Variants in LRMDA observed in about 807,000 individuals in gnomAD.
LRMDA encodes the protein leucine-rich melanocyte differentiation-associated protein.
LRMDA carries 18 observed loss-of-function variants against 29.8 expected under a neutral mutation model. The observed-to-expected ratio is 0.60, with a 90% CI of 0.42 to 0.90. The LOEUF (loss-of-function observed/expected upper bound fraction) is 0.90, where lower values mean the gene tolerates loss of function less well. LRMDA is among the 40% of genes least tolerant of loss of function. The probability of loss-of-function intolerance (pLI) is 0.00; values close to 1 mark genes in which losing one functional copy is unlikely to be tolerated. For missense variants in LRMDA, 273 were observed against 273.9 expected (o/e 1.00, Z 0.02); for synonymous variants, 125 against 109.4 (o/e 1.14, Z -0.89).
intron 5 of LRMDA, among the ~76,000 whole-genome samples, chr10:76,147,932 G>A (rs962656019): frequency 2.6e-5 from 4 of 152,192 alleles, no homozygotes; most frequent in African/African-American, 4.8e-5. Context: ...AGGTCTGTTG[G>A]AGTTTGCTAG....
intron 5 of LRMDA, among the ~76,000 whole-genome samples, chr10:76,107,544 C>G (rs1328098894): frequency 6.6e-6 from 1 of 152,122 alleles, no homozygotes; most frequent in African/African-American, 2.4e-5. Flanking sequence ...TCTGTGCAGC[C>G]CATCTGTGCT....
intron 5 of LRMDA, among the ~76,000 whole-genome samples, chr10:76,157,698 T>C (rs1042950214): frequency 6.6e-6 from 1 of 152,038 alleles, no homozygotes; most frequent in Non-Finnish European, 1.5e-5. Flanking sequence ...ACTCATTTTT[T>C]AGCATTAGTG....
intron 2 of LRMDA, among the ~76,000 whole-genome samples, chr10:75,589,837 GTTTAAT>G (rs1840701046): frequency 6.6e-6 from 1 of 151,788 alleles, no homozygotes; most frequent in African/African-American, 2.4e-5. Flanking sequence ...TTTGGTGTGT[GTTTAAT>G]TTTGTTTGTG....
chr10:75,639,141 ATTT>A (rs754730724), intron 2 of LRMDA, among the ~76,000 whole-genome samples: 1 of 152,222 alleles, frequency 6.6e-6, no homozygotes, highest in African/African-American at 2.4e-5. Context: ...TGAGAGTACC[ATTT>A]TGCGTTCCCC....
At chr10:76,108,214 T>C (rs1235202295) in intron 5 of LRMDA, among the ~76,000 whole-genome samples, 1 of 152,158 alleles carries the variant, frequency 6.6e-6, no homozygotes, top group Admixed American at 6.5e-5. Flanking sequence ...TCTTTGGTAA[T>C]TGGGTCTCTG....
At chr10:76,141,541 C>T (rs961880936) in intron 5 of LRMDA, among the ~76,000 whole-genome samples, 2 of 152,074 alleles carry the variant, frequency 1.3e-5, no homozygotes, top group Non-Finnish European at 2.9e-5. Context: ...GTTAAGTACT[C>T]CCACCTGATG....
chr10:75,854,909 A>G lies in LRMDA; in HGVS notation c.132-181099A>G, dbSNP rs1844797763. ...AAAGGACATGAACTCATCATTTTTT[A>G]TGGCTGCATAGTATTCCATGGAGTA... On this transcript the variant is annotated intron_variant, in intron 2 of 6. Coordinates refer to ENST00000611255, the MANE Select transcript of LRMDA (RefSeq NM_001305581.2). Among the ~76,000 whole-genome samples, 4 of 152,272 alleles carry G rather than the reference A, an allele frequency of 2.6e-5. No homozygotes were observed. In the South Asian group the frequency reaches 8.3e-4, roughly 32 times the overall value.
At chr10:76,012,757 C>CACT (rs1187353226) in intron 2 of LRMDA, among the ~76,000 whole-genome samples, 2 of 152,164 alleles carry the variant, frequency 1.3e-5, no homozygotes, top group Non-Finnish European at 2.9e-5. Flanking sequence ...CACCAGAAGA[C>CACT]ACTACACAGT....
At chr10:75,931,742 T>C (rs1422210270) in intron 2 of LRMDA, among the ~76,000 whole-genome samples, 2 of 152,228 alleles carry the variant, frequency 1.3e-5, no homozygotes, top group Non-Finnish European at 2.9e-5. Flanking sequence ...ACAGCCACTC[T>C]CATCAGCAAT....
intron 5 of LRMDA, among the ~76,000 whole-genome samples, chr10:76,179,521 G>A (rs527242648): frequency 6.6e-6 from 1 of 152,300 alleles, no homozygotes; most frequent in South Asian, 2.1e-4. Context: ...AGGATCGGGA[G>A]CTTATGACGA....
intron 6 of LRMDA, among the ~76,000 whole-genome samples, chr10:76,459,401 G>A (rs767215835): frequency 1.3e-5 from 2 of 152,110 alleles, no homozygotes; most frequent in Non-Finnish European, 2.9e-5. Context: ...CTGAAAATGG[G>A]GGTGGAGTTC....
At chr10:75,584,322 C>G (rs547666314) in intron 2 of LRMDA, among the ~76,000 whole-genome samples, 2 of 152,276 alleles carry the variant, frequency 1.3e-5, no homozygotes, top group South Asian at 2.1e-4. Flanking sequence ...TACCTCCCCC[C>G]TAGAAAAAAC....
intron 2 of LRMDA, among the ~76,000 whole-genome samples, chr10:75,750,216 G>A (rs1409031262): frequency 2.0e-5 from 3 of 151,378 alleles, no homozygotes; most frequent in African/African-American, 7.3e-5. Context: ...GGGCAGAGGC[G>A]CCCCCCACCT....
chr10:75,490,417 T>G (rs1451662365), intron 2 of LRMDA, among the ~76,000 whole-genome samples: 1 of 152,038 alleles, frequency 6.6e-6, no homozygotes, highest in Non-Finnish European at 1.5e-5. Flanking sequence ...AACCCTCTAA[T>G]TGTGAATTCT....
At chr10:76,092,101 G>A (rs1046454673) in intron 5 of LRMDA, among the ~76,000 whole-genome samples, 1 of 152,170 alleles carries the variant, frequency 6.6e-6, no homozygotes, top group Non-Finnish European at 1.5e-5. Flanking sequence ...CAATTTGGCT[G>A]TATGCAAATG....
intron 5 of LRMDA, among the ~76,000 whole-genome samples, chr10:76,282,447 C>T (rs1323255662): frequency 6.6e-6 from 1 of 152,190 alleles, no homozygotes; most frequent in East Asian, 1.9e-4. Context: ...AGTGTTTGTG[C>T]AGTCAAGATT....
intron 6 of LRMDA, among the ~76,000 whole-genome samples, chr10:76,328,781 A>T (rs1840868488): frequency 6.6e-6 from 1 of 152,210 alleles, no homozygotes; most frequent in East Asian, 1.9e-4. Flanking sequence ...TAAATTACAG[A>T]ACAATAAAAT....
At chr10:76,396,169 C>T (rs575014776) in intron 6 of LRMDA, among the ~76,000 whole-genome samples, 13 of 152,288 alleles carry the variant, frequency 8.5e-5, no homozygotes, top group Admixed American at 3.3e-4. Context: ...CCTGGGTTTC[C>T]TGTGTCAGAT....
intron 6 of LRMDA, among the ~76,000 whole-genome samples, chr10:76,486,135 A>T (rs1406388514): frequency 6.6e-6 from 1 of 151,958 alleles, no homozygotes; most frequent in Non-Finnish European, 1.5e-5. Flanking sequence ...ACCAGAAGTG[A>T]CATTTTTAAT....
Sources: gnomAD v4.1 joint callset for allele counts (sites outside exome capture counted in the v4.1 genomes callset) on GRCh38, gnomAD v4.1.1 for gene constraint, MANE v1.5 for transcripts, NCBI Gene and HGNC (gene_info 2026-07-23, HGNC 2026-07-21) for gene names.